Variants in FAM151A observed in about 807,000 individuals in gnomAD.
FAM151A encodes the protein family with sequence similarity 151 member A.
FAM151A carries 41 observed loss-of-function variants against 40.4 expected under a neutral mutation model. The ratio of observed to expected loss-of-function variants is 1.01; its 90% CI spans 0.79 to 1.32. FAM151A has a LOEUF of 1.32. FAM151A is among the 40% of genes most tolerant of loss of function. FAM151A has a pLI of 0.00. For missense variants in FAM151A, 740 were observed against 740.4 expected, an observed-to-expected ratio of 1.00 and a Z score of 0.01; for synonymous variants, 337 against 312.5, an observed-to-expected ratio of 1.08 and a Z score of -0.83.
chr1:54,615,825 G>C (rs1166173870), intron 3 of FAM151A, among the ~76,000 whole-genome samples, 195 bp downstream of exon 3: 1 of 152,216 alleles, frequency 6.6e-6, no homozygotes, highest in East Asian at 1.9e-4. Context: ...GAAAACACCA[G>C]GACCTGCACT....
Position 54,623,269 on chromosome 1 carries a change from G to T in FAM151A, c.118+9C>A. On this transcript the variant is annotated intron_variant, in intron 1 of 7. Coordinates refer to ENST00000302250, the MANE Select transcript of FAM151A (RefSeq NM_176782.3). Reference sequence around the variant, plus strand: ...AGCCACTCAGGATGACATGGGGGGAGGCACCTACCTGGCCGCCGCAGGGTG... The same window carrying T: ...AGCCACTCAGGATGACATGGGGGGATGCACCTACCTGGCCGCCGCAGGGTG... 6.2e-7 allele frequency: 1 copy of T among 1,603,470 alleles called. No individual in the cohort carries two copies. The highest frequency in any genetic ancestry group is 1.1e-5 in the South Asian group (1 of 90,790).
At chr1:54,620,063 A>C in intron 1 of FAM151A, 56 bp from the exon 2 acceptor site, 13 of 1,576,482 alleles carry the variant, frequency 8.2e-6, no homozygotes, top group African/African-American at 1.3e-5. Context: ...CCCAAGACTC[A>C]TGTTCGTTCA....
chr1:54,616,000 GTTTCCAGAGAGGCCC>G lies in FAM151A; in HGVS notation c.415+5_415+19del, dbSNP rs761236004. On this transcript the variant is annotated splice_donor_5th_base_variant and intron_variant, in intron 3 of 7. Transcript: ENST00000302250. ...GCCAGAGGGCTGGGGGCCGGAGAGG[GTTTCCAGAGAGGCCC>G]TTACCCTTTTGGGAAGAGCCCAGCA... 1 of 1,612,346 alleles carries G rather than the reference GTTTCCAGAGAGGCCC, an allele frequency of 6.2e-7. No homozygotes were observed. Among genetic ancestry groups the G allele is most frequent in the South Asian group, 1.1e-5 (1 of 90,856 alleles).
intron 1 of FAM151A, among the ~76,000 whole-genome samples, chr1:54,622,275 CAAAAAAAAAAAAA>C (rs34730286): frequency 2.2e-5 from 1 of 45,932 alleles, no homozygotes; most frequent in African/African-American, 9.0e-5. Context: ...GACTCTGTCT[CAAAAAAAAAAAAA>C]AAAAAAAAAA....
chr1:54,623,048 T>C lies in FAM151A; in HGVS notation c.118+230A>G, dbSNP rs528886898. ...AAAATTAGCTGGGCGTGGTGGCGGG[T>C]GCCTGTAATCCCAGCTACTCGGGAG... On this transcript the variant is annotated intron_variant, in intron 1 of 7. Coordinates refer to ENST00000302250, the MANE Select transcript of FAM151A (RefSeq NM_176782.3). Among the ~76,000 whole-genome samples the C allele has an allele frequency of 1.5e-3, 229 of 150,644 alleles. 1 individual carries two copies. Among genetic ancestry groups the C allele is most frequent in the African/African-American group, 5.4e-3 (221 of 41,020 alleles).
rs138836165 is a variant in FAM151A, at chr1:54,619,202, TC to T, written c.262+661del. The stretch of plus-strand genomic sequence containing the variant: ...TGCCCAGGTTTGAGGACTGTTCCCT[TC>T]ATCTTTTATAGCTACTGCTTTAAAG... On this transcript the variant is annotated intron_variant, in intron 2 of 7. Transcript: ENST00000302250. Among the ~76,000 whole-genome samples, 120 of 152,272 alleles carry T rather than the reference TC, an allele frequency of 7.9e-4. 1 individual carries two copies. The East Asian group carries it at 0.011, about 14-fold the overall frequency.
intron 2 of FAM151A, among the ~76,000 whole-genome samples, chr1:54,617,028 G>T (rs1261162633): frequency 6.6e-6 from 1 of 152,184 alleles, no homozygotes. Flanking sequence ...TAAAGCCCAT[G>T]TTATCAAACT....
At chr1:54,615,403 T>TA (rs1305879458) in intron 3 of FAM151A, among the ~76,000 whole-genome samples, 1 of 152,092 alleles carries the variant, frequency 6.6e-6, no homozygotes, top group African/African-American at 2.4e-5. Context: ...CACGGAGGGT[T>TA]AAAAGAGAGG....
chr1:54,623,449 G>A lies in FAM151A; in HGVS notation c.-54C>T. 7.5e-7 allele frequency: 1 copy of A among 1,336,126 alleles called. No individual in the cohort carries two copies. The highest frequency in any genetic ancestry group is 1.1e-6 in the Non-Finnish European group (1 of 935,826). 82.8% of individuals were successfully genotyped at this position (1,336,126 alleles called of 1,614,324 possible). On this transcript the variant is annotated 5_prime_UTR_variant, in exon 1 of 8. Coordinates refer to ENST00000302250, the MANE Select transcript of FAM151A (RefSeq NM_176782.3). ...CTCCGTGCGGCCCAGAGTCCCTGAGGCTCCCTGCAGCTGGAATCCTGTGGG... is the reference window on the plus strand; with the variant it reads ...CTCCGTGCGGCCCAGAGTCCCTGAGACTCCCTGCAGCTGGAATCCTGTGGG...
At chr1:54,618,137 T>A (rs1424850700) in intron 2 of FAM151A, among the ~76,000 whole-genome samples, 1 of 152,150 alleles carries the variant, frequency 6.6e-6, no homozygotes. Context: ...ATCTCTGGGC[T>A]GTTGCCTGGC....
At chr1:54,616,574 A>G (rs1480177322) in intron 2 of FAM151A, among the ~76,000 whole-genome samples, 1 of 151,838 alleles carries the variant, frequency 6.6e-6, no homozygotes, top group Non-Finnish European at 1.5e-5. Context: ...GTTTCACCAT[A>G]TTGGCCAGGC....
chr1:54,620,131 G>T (rs116105596), intron 1 of FAM151A, 124 bp from the exon 2 acceptor site: 3 of 1,028,510 alleles, frequency 2.9e-6, no homozygotes, highest in Non-Finnish European at 4.2e-6. Context: ...CAGAGGGACG[G>T]TGAGGCTCAG....
Position 54,609,449 on chromosome 1 carries a change from CCTATGGCTCCAGCTGTG to C in FAM151A, c.1560_1576del (p.Ser520ArgfsTer34), listed in dbSNP as rs745451468. ...CCGGGGGGAGGATGCCAGCAGCCTG[CCTATGGCTCCAGCTGTG>C]CTGTGGCCCAGCAGCATGGCCTGCA... On this transcript the variant is annotated frameshift_variant, in exon 8 of 8. Coordinates refer to ENST00000302250, the MANE Select transcript of FAM151A (RefSeq NM_176782.3). LOFTEE classifies it low-confidence loss of function (END_TRUNC). 6 of 1,613,572 alleles carry C rather than the reference CCTATGGCTCCAGCTGTG, an allele frequency of 3.7e-6. No individual in the cohort carries two copies. The highest frequency in any genetic ancestry group is 4.2e-6 in the Non-Finnish European group (5 of 1,180,016).
At chr1:54,612,776 T>C (rs529826390) in intron 4 of FAM151A, 66 bp from the exon 5 acceptor site, 1 of 1,224,396 alleles carries the variant, frequency 8.2e-7, no homozygotes, top group Non-Finnish European at 1.2e-6. Context: ...CTCTGGGGTC[T>C]CATCACAGTG....
intron 1 of FAM151A, 101 bp downstream of exon 1, chr1:54,623,176 TA>T (rs113750458): frequency 0.19 from 114,136 of 596,012 alleles, no homozygotes; most frequent in South Asian, 0.26. Flanking sequence ...AAACTCCGTC[TA>T]AAAAAAAAAA....
At chr1:54,611,892 C>T in intron 5 of FAM151A, 147 bp from the exon 6 acceptor site, 3 of 880,682 alleles carry the variant, frequency 3.4e-6, no homozygotes, top group Non-Finnish European at 5.2e-6. Context: ...CTGAGTCCTA[C>T]CCCTTCCCAA....
At chr1:54,613,359 A>T (rs1435350073) in intron 4 of FAM151A, among the ~76,000 whole-genome samples, 1 of 151,880 alleles carries the variant, frequency 6.6e-6, no homozygotes, top group Non-Finnish European at 1.5e-5. Flanking sequence ...AACTTGGGCA[A>T]CAGAGTGAGA....
intron 3 of FAM151A, among the ~76,000 whole-genome samples, chr1:54,615,064 C>T (rs1050103540): frequency 1.4e-5 from 2 of 140,820 alleles, no homozygotes; most frequent in Non-Finnish European, 3.3e-5. Context: ...AGAAGAAGGG[C>T]CTGCCTCTAG....
At chr1:54,614,968 A>C (rs1400016359) in intron 3 of FAM151A, 109 bp from the exon 4 acceptor site, 6 of 1,077,218 alleles carry the variant, frequency 5.6e-6, no homozygotes, top group Non-Finnish European at 8.0e-6. Flanking sequence ...GTGCGTGCAC[A>C]GTGGAGTCAG....
Sources: gnomAD v4.1 joint callset for allele counts (sites outside exome capture counted in the v4.1 genomes callset) on GRCh38, gnomAD v4.1.1 for gene constraint, MANE v1.5 for transcripts, NCBI Gene and HGNC (gene_info 2026-07-23, HGNC 2026-07-21) for gene names.